LIMK1: variants seen among roughly 807,000 people sequenced by gnomAD.
LIMK1 encodes the protein LIM motif-containing protein kinase.
LIMK1 carries 21 observed loss-of-function variants against 77.6 expected under a neutral mutation model. That is an observed-to-expected ratio of 0.27 (90% CI 0.19 to 0.39). The LOEUF is 0.39. LIMK1 is among the 10% of genes least tolerant of loss of function. LIMK1 has a pLI of 1.00. For synonymous variants in LIMK1, 358 were observed against 370.0 expected, an observed-to-expected ratio of 0.97 and a Z score of 0.37; for missense variants, 696 against 901.6, an observed-to-expected ratio of 0.77 and a Z score of 2.92.
chr7:74,103,699 G>A (rs1799512868), intron 5 of LIMK1, among the ~76,000 whole-genome samples: 2 of 152,156 alleles, frequency 1.3e-5, no homozygotes, highest in African/African-American at 2.4e-5. Context: ...TATTACTAGG[G>A]TGGCTACCAA....
In LIMK1 at chr7:74,085,740, C is replaced by T. The variant is rs1321874486; in HGVS notation, c.56-8C>T. On this transcript the variant is annotated splice_polypyrimidine_tract_variant and splice_region_variant and intron_variant, in intron 1 of 15. Transcript: ENST00000336180. Reference sequence around the variant, plus strand: ...AGAATGCTTCCCAACTCCCTTCCCACCCTGCAGGAAGCGAGTTGCCCGTGT... The same window carrying T: ...AGAATGCTTCCCAACTCCCTTCCCATCCTGCAGGAAGCGAGTTGCCCGTGT... The T allele has an allele frequency of 3.2e-6, 5 of 1,552,024 alleles. No homozygotes were observed. The highest frequency in any genetic ancestry group is 4.4e-6 in the Non-Finnish European group (5 of 1,147,646).
rs1554697934 is a variant in LIMK1 at position 74,107,966 on chromosome 7, G to A, written c.1152+9G>A. ...GGACGTTCCTCAAGGAGGTCAGTGA[G>A]CGGAATGCCCTCTTCCCTCCAGAGG... is the stretch of plus-strand genomic sequence containing the variant. On this transcript the variant is annotated intron_variant, in intron 9 of 15. Transcript: ENST00000336180. 17 of 1,554,042 alleles carry A rather than the reference G, an allele frequency of 1.1e-5. No homozygotes were observed. The East Asian group carries it at 4.1e-4, about 37-fold the overall frequency.
intron 13 of LIMK1, among the ~76,000 whole-genome samples, chr7:74,119,349 T>G (rs1378497111): frequency 6.7e-6 from 1 of 150,030 alleles, no homozygotes; most frequent in Non-Finnish European, 1.5e-5. Flanking sequence ...TGGCTAATTT[T>G]TCTATTTTTA....
rs1380136414 is a variant in LIMK1, at chr7:74,112,804, G to A, written c.1410+806G>A. Among the ~76,000 whole-genome samples, 4 of 151,902 alleles carry A rather than the reference G, an allele frequency of 2.6e-5. No homozygotes were observed. In the East Asian group the frequency reaches 7.8e-4, roughly 29 times the overall value. ...CGCGCCACCGCACTCCAGCCTGGGT[G>A]ACAGAGCGAGACTCCATCTCAAAAA... On this transcript the variant is annotated intron_variant, in intron 12 of 15. Transcript: ENST00000336180.
chr7:74,108,057 A>T, intron 9 of LIMK1, 100 bp downstream of exon 9: 1 of 857,164 alleles, frequency 1.2e-6, no homozygotes, highest in Non-Finnish European at 1.9e-6. Flanking sequence ...AACCATTGAA[A>T]GAAGAGCGAG....
At chr7:74,107,318 C>G in intron 8 of LIMK1, 125 bp downstream of exon 8, 1 of 1,058,838 alleles carries the variant, frequency 9.4e-7, no homozygotes, top group Non-Finnish European at 1.3e-6. Context: ...CCAGTGCCCT[C>G]TCCTCCCTTG....
chr7:74,100,655 G>A (rs1799439009), intron 5 of LIMK1, among the ~76,000 whole-genome samples: 1 of 152,012 alleles, frequency 6.6e-6, no homozygotes, highest in South Asian at 2.1e-4. Context: ...GGGCTCAAGT[G>A]ATCCTCCCTT....
rs183789815 is a variant in LIMK1, at chr7:74,098,375, A to C, written c.402-657A>C. ...ACTGATCAAGCTGGATTAGAGGACA[A>C]CGTGGCTTGATCCCAGATGGGCTTT... On this transcript the variant is annotated intron_variant, in intron 4 of 15. Transcript: ENST00000336180. 2.7e-3 allele frequency among the ~76,000 whole-genome samples: 414 copies of C among 152,300 alleles called. 1 individual carries two copies. Among genetic ancestry groups the C allele is most frequent in the Non-Finnish European group, 3.9e-3 (262 of 68,036 alleles).
rs782812477 is a variant in LIMK1, at chr7:74,111,728, A to G, written c.1344+21A>G. On this transcript the variant is annotated intron_variant, in intron 11 of 15. Transcript: ENST00000336180. ...GGATGGTGAGTGAGCCGGGTGCTCT[A>G]GCTCCATTCATAATCCCACCAGGAA... 4 of 1,608,094 alleles carry G rather than the reference A, an allele frequency of 2.5e-6. No homozygotes were observed. In the Admixed American group the frequency reaches 6.7e-5, roughly 27 times the overall value.
chr7:74,093,171 A>G, intron 2 of LIMK1: 3 of 1,522,182 alleles, frequency 2.0e-6, no homozygotes, highest in South Asian at 2.4e-5. Context: ...TGAGCCCCTG[A>G]GGGAGGATGG....
chr7:74,106,717 G>A (rs1331432290), intron 7 of LIMK1, among the ~76,000 whole-genome samples: 7 of 152,252 alleles, frequency 4.6e-5, no homozygotes, highest in East Asian at 1.9e-4. Context: ...CCAAGGTCAC[G>A]CCACTATACT....
chr7:74,106,946 G>A (rs1799586178), intron 7 of LIMK1, 64 bp from the exon 8 acceptor site: 1 of 1,443,506 alleles, frequency 6.9e-7, no homozygotes, highest in African/African-American at 1.4e-5. Context: ...AGGAGGAAGG[G>A]GCAGGGCCTT....
intron 2 of LIMK1, among the ~76,000 whole-genome samples, chr7:74,094,688 G>A (rs1458313100): frequency 3.3e-5 from 5 of 152,132 alleles, no homozygotes; most frequent in Admixed American, 1.3e-4. Flanking sequence ...GCCCTGGGAC[G>A]GGAGGTGCCC....
intron 9 of LIMK1, among the ~76,000 whole-genome samples, chr7:74,108,505 C>T (rs1265424879): frequency 6.6e-6 from 1 of 151,710 alleles, no homozygotes; most frequent in Non-Finnish European, 1.5e-5. Flanking sequence ...ATTAGCCCAG[C>T]ATGATGGTGG....
chr7:74,091,568 C>G (rs1434034505), intron 2 of LIMK1, among the ~76,000 whole-genome samples: 2 of 152,140 alleles, frequency 1.3e-5, no homozygotes, highest in Non-Finnish European at 2.9e-5. Flanking sequence ...AGTCACTTGC[C>G]AAAAGTCTCA....
chr7:74,110,916 G>A (rs1799685773), intron 10 of LIMK1: 1 of 152,210 alleles, frequency 6.6e-6, no homozygotes. Context: ...CCTGCTTAGA[G>A]TTTGAAATCA....
At chr7:74,095,987 A>T (rs1799330527) in intron 2 of LIMK1, among the ~76,000 whole-genome samples, 1 of 88,056 alleles carries the variant, frequency 1.1e-5, no homozygotes, top group Non-Finnish European at 2.1e-5. Context: ...TTTTTTGGAG[A>T]CAGAGTCTCA....
intron 5 of LIMK1, among the ~76,000 whole-genome samples, chr7:74,099,497 G>C (rs1261834880): frequency 6.6e-6 from 1 of 151,916 alleles, no homozygotes; most frequent in Non-Finnish European, 1.5e-5. Context: ...TCGGGAGGCC[G>C]AAGTGGGTGG....
At position 74,109,180 on chromosome 7, in the gene LIMK1, G is replaced by T. The variant is rs576697367; in HGVS notation, c.1284+144G>T. The stretch of plus-strand genomic sequence containing the variant: ...CTGAACCCTGATTCCTAATCAAAAA[G>T]GGGAGCGACTGACTCCATCTAAAGC... On this transcript the variant is annotated intron_variant, in intron 10 of 15. Coordinates refer to ENST00000336180, the MANE Select transcript of LIMK1 (RefSeq NM_002314.4). 30 of 690,300 alleles carry T rather than the reference G, an allele frequency of 4.3e-5. No individual in the cohort carries two copies. In the African/African-American group the frequency reaches 4.6e-4, roughly 11 times the overall value. 42.8% of individuals were successfully genotyped at this position (690,300 alleles called of 1,614,324 possible).
Sources: allele counts gnomAD v4.1 joint callset (sites outside exome capture counted in the v4.1 genomes callset), GRCh38; gene constraint gnomAD v4.1.1; transcripts MANE v1.5; gene names NCBI Gene and HGNC (gene_info 2026-07-23, HGNC 2026-07-21).